The following RCL1 variants were observed in gnomAD, a reference collection of about 807,000 sequenced individuals.
The protein encoded by RCL1 is RNA terminal phosphate cyclase like 1.
RCL1 carries 24 observed loss-of-function variants against 42.4 expected under a neutral mutation model. The ratio of observed to expected loss-of-function variants is 0.57; its 90% confidence interval spans 0.41 to 0.80. The LOEUF (loss-of-function observed/expected upper bound fraction) is 0.80, where lower values mean the gene tolerates loss of function less well. Among genes scored for constraint, RCL1 ranks in the 30% least tolerant of loss-of-function variants. RCL1 has a pLI of 0.00. For synonymous variants in RCL1, 228 were observed against 177.3 expected (o/e 1.29, Z -2.27); for missense variants, 578 against 467.9 (o/e 1.24, Z -2.17).
intron 2 of RCL1, among the ~76,000 whole-genome samples, chr9:4,825,542 A>C (rs1447988943): frequency 1.3e-5 from 2 of 152,156 alleles, no homozygotes; most frequent in African/African-American, 2.4e-5. Flanking sequence ...TAAAACCTAC[A>C]TTTATTTTAT....
chr9:4,795,503 A>G (rs1173767615), intron 1 of RCL1, among the ~76,000 whole-genome samples: 1 of 152,212 alleles, frequency 6.6e-6, no homozygotes, highest in Admixed American at 6.5e-5. Flanking sequence ...GCACGCATAA[A>G]TAGATGTAGT....
rs34209971 is a variant in RCL1 at position 4,818,871 on chromosome 9, C to CA, written c.137-4660dup. ...TGGGCAACGCAGCAAGACTCTGTCT[C>CA]AAAAAAAAAAAAAAAAAGAAAAAGA... On this transcript the variant is annotated intron_variant, in intron 1 of 8. Coordinates refer to ENST00000381750, the MANE Select transcript of RCL1 (RefSeq NM_005772.5). Among the ~76,000 whole-genome samples, 93 of 115,108 alleles carry CA rather than the reference C, an allele frequency of 8.1e-4. No homozygotes were observed. The Middle Eastern group carries it at 0.013, about 16-fold the overall frequency. The allele number at this position is 115,108 out of a possible 152,430, so 75.5% of individuals were successfully genotyped here.
Position 4,860,140 on chromosome 9 carries a change from G to T in RCL1, c.987G>T (p.Arg329=). The change falls in exon 9 of 9, where the codon CGG becomes CGT. Residue 329 remains arginine, a synonymous_variant. Coordinates refer to ENST00000381750, the MANE Select transcript of RCL1 (RefSeq NM_005772.5). ...PLSPYTIEFL[R]HLKSFFQIMF... is the part of the protein sequence containing the mutation. ...TCCTTTTTAGGATAGAATTTTTGCG[G>T]CATTTGAAGAGCTTTTTCCAGATTA... The T allele has an allele frequency of 1.3e-6, 2 of 1,581,392 alleles. No individual in the cohort carries two copies. Among genetic ancestry groups the T allele is most frequent in the Non-Finnish European group, 1.7e-6 (2 of 1,166,836 alleles).
intron 8 of RCL1, among the ~76,000 whole-genome samples, chr9:4,856,511 A>G (rs1206475517): frequency 6.6e-6 from 1 of 152,162 alleles, no homozygotes; most frequent in Non-Finnish European, 1.5e-5. Flanking sequence ...TTGTTTGAAT[A>G]ACGGGTTCAG....
intron 1 of RCL1, among the ~76,000 whole-genome samples, chr9:4,817,203 ATTC>A (rs1408239648): frequency 6.6e-6 from 1 of 152,122 alleles, no homozygotes; most frequent in Admixed American, 6.5e-5. Flanking sequence ...TTTGAAAAAA[ATTC>A]TTCTTGTCTT....
At chr9:4,854,696 A>G (rs1817874122) in intron 8 of RCL1, among the ~76,000 whole-genome samples, 1 of 152,208 alleles carries the variant, frequency 6.6e-6, no homozygotes, top group Non-Finnish European at 1.5e-5. Flanking sequence ...CAACGGACCC[A>G]TGACCACAAG....
At chr9:4,797,489 G>A (rs181543797) in intron 1 of RCL1, among the ~76,000 whole-genome samples, 2 of 152,266 alleles carry the variant, frequency 1.3e-5, no homozygotes, top group East Asian at 3.9e-4. Flanking sequence ...TTGTTCAGTG[G>A]GGGACATTTG....
In RCL1 at chr9:4,839,636, G is replaced by A. The variant is rs150769190; in HGVS notation, c.585-1596G>A. ...GTACATTCTGGACTGAAGAGATGGT[G>A]ATGTAACTGGGCTGTGTGTGTATTG... is the stretch of plus-strand genomic sequence containing the variant. On this transcript the variant is annotated intron_variant, in intron 5 of 8. Transcript: ENST00000381750. 3,518 of 983,960 alleles carry A rather than the reference G, an allele frequency of 3.6e-3. 16 individuals are homozygous for A. The highest frequency in any genetic ancestry group is 4.0e-3 in the Non-Finnish European group (3,283 of 828,618). The allele number at this position is 983,960 out of a possible 1,614,324, so 61.0% of individuals were successfully genotyped here. A position where few individuals can be genotyped will look rare whatever the true frequency, so the allele number is the denominator to read the frequency against.
intron 7 of RCL1, among the ~76,000 whole-genome samples, chr9:4,845,456 A>C (rs1386262098): frequency 1.3e-5 from 2 of 152,238 alleles, no homozygotes; most frequent in Non-Finnish European, 2.9e-5. Flanking sequence ...ATATGCATGC[A>C]CACACTTTTA....
At position 4,860,182 on chromosome 9, in the gene RCL1, C is replaced by A; in HGVS notation, c.1029C>A (p.Thr343=). The A allele has an allele frequency of 6.2e-7, 1 of 1,609,378 alleles. No homozygotes were observed. Among genetic ancestry groups the A allele is most frequent in the Non-Finnish European group, 8.5e-7 (1 of 1,178,016 alleles). Residue 343 remains threonine, a synonymous_variant, in exon 9 of 9, where the codon ACC becomes ACA. Coordinates refer to ENST00000381750, the MANE Select transcript of RCL1 (RefSeq NM_005772.5). ...SFFQIMFKIE[T]KPCGEELKGG... ...TCCAGATTATGTTTAAAATTGAAAC[C>A]AAGCCATGTGGTGAAGAACTCAAGG... is the stretch of plus-strand genomic sequence containing the variant.
chr9:4,827,062 G>C, intron 3 of RCL1, 29 bp downstream of exon 3: 1 of 1,613,948 alleles, frequency 6.2e-7, no homozygotes, highest in African/African-American at 1.3e-5. Flanking sequence ...CCGTGGTGTG[G>C]TTTTTGTTTT....
chr9:4,853,973 C>T (rs1486649089), intron 8 of RCL1, among the ~76,000 whole-genome samples: 1 of 152,130 alleles, frequency 6.6e-6, no homozygotes, highest in Non-Finnish European at 1.5e-5. Context: ...AACTGCCGGC[C>T]AAGCCTGCCT....
intron 1 of RCL1, among the ~76,000 whole-genome samples, chr9:4,808,734 C>G (rs1816067313): frequency 6.6e-6 from 1 of 152,142 alleles, no homozygotes; most frequent in Non-Finnish European, 1.5e-5. Flanking sequence ...GTAAAAGCAG[C>G]ATAAATCAGA....
intron 1 of RCL1, among the ~76,000 whole-genome samples, chr9:4,818,445 G>A (rs1219572004): frequency 3.9e-5 from 6 of 151,962 alleles, no homozygotes; most frequent in African/African-American, 1.5e-4. Context: ...ATACATATTT[G>A]CAAGTGAGTG....
chr9:4,841,258 T>G lies in RCL1; in HGVS notation c.611T>G (p.Met204Arg). ...TACTCTGTACGTGTGTCACCTCAGA[T>G]GGCGAACCGGATTGTGGATTCTGCA... is the stretch of plus-strand genomic sequence containing the variant. ...MAYSVRVSPQ[M>R]ANRIVDSARS... Residue 204 changes from methionine (M) to arginine (R), a missense_variant, in exon 6 of 9, where the codon ATG becomes AGG. Coordinates refer to ENST00000381750, the MANE Select transcript of RCL1 (RefSeq NM_005772.5). The G allele has an allele frequency of 1.2e-6, 2 of 1,613,888 alleles. No homozygotes were observed. Among genetic ancestry groups the G allele is most frequent in the Non-Finnish European group, 1.7e-6 (2 of 1,179,770 alleles).
chr9:4,834,379 C>T (rs983966881), intron 5 of RCL1, 114 bp downstream of exon 5: 3 of 1,223,576 alleles, frequency 2.5e-6, no homozygotes, highest in East Asian at 2.9e-5. Flanking sequence ...TAGACTACAA[C>T]TTTGAAAAGT....
At chr9:4,810,006 G>C (rs1262933812) in intron 1 of RCL1, among the ~76,000 whole-genome samples, 1 of 152,030 alleles carries the variant, frequency 6.6e-6, no homozygotes, top group Non-Finnish European at 1.5e-5. Flanking sequence ...TGGTAGAGAT[G>C]GGGTTTCACC....
intron 8 of RCL1, among the ~76,000 whole-genome samples, chr9:4,858,298 G>A (rs966724310): frequency 3.3e-5 from 5 of 151,954 alleles, no homozygotes; most frequent in Admixed American, 1.3e-4. Flanking sequence ...CAATCCTGTA[G>A]GTTGTTTTTT....
intron 8 of RCL1, among the ~76,000 whole-genome samples, chr9:4,859,415 C>G (rs1326474963): frequency 6.6e-6 from 1 of 152,030 alleles, no homozygotes; most frequent in Non-Finnish European, 1.5e-5. Context: ...CTATCTATAC[C>G]ACTAGATTGA....
Sources: gnomAD v4.1 joint callset for allele counts (sites outside exome capture counted in the v4.1 genomes callset) on GRCh38, gnomAD v4.1.1 for gene constraint, MANE v1.5 for transcripts, NCBI Gene and HGNC (gene_info 2026-07-23, HGNC 2026-07-21) for gene names.